HAAO: variants seen among roughly 807,000 people sequenced by gnomAD.
The protein encoded by HAAO is 3-hydroxyanthranilate 3,4-dioxygenase, also known as 3-hydroxyanthranilate oxygenase.
Under a neutral mutation model 46.2 loss-of-function variants are expected in HAAO, and 49 were observed. The ratio of observed to expected loss-of-function variants is 1.06; its 90% CI spans 0.84 to 1.34. The LOEUF (loss-of-function observed/expected upper bound fraction) is 1.34, where lower values mean the gene tolerates loss of function less well. HAAO is among the 40% of genes most tolerant of loss of function. The pLI is 0.00. For missense variants in HAAO, 408 were observed against 364.5 expected (o/e 1.12, Z -0.97); for synonymous variants, 157 against 145.2 (o/e 1.08, Z -0.58).
intron 4 of HAAO, among the ~76,000 whole-genome samples, chr2:42,780,794 G>A (rs1000602190): frequency 2.3e-4 from 35 of 151,578 alleles, no homozygotes; most frequent in African/African-American, 5.1e-4. Context: ...CCGGCCGGGC[G>A]TGGTGGCTCA....
chr2:42,783,384 G>A lies in HAAO; in HGVS notation c.280C>T (p.Gln94Ter), dbSNP rs902143587. Residue 94 changes from glutamine to a stop codon, truncating the protein, a stop_gained, in exon 4 of 10, where the codon CAG (glutamine) becomes TAG (stop). Coordinates refer to ENST00000294973, the MANE Select transcript of HAAO (RefSeq NM_012205.3). LOFTEE classifies it high-confidence loss of function. Reference protein sequence around the residue: ...LLPARVPHSPQRFANTVGLVV... With the variant: ...LLPARVPHSP ...AGCCCCACGGTGTTGGCAAACCTCTGTGGTGAGTGGGGCACCCTGGCAGGC... is the reference window on the plus strand; with the variant it reads ...AGCCCCACGGTGTTGGCAAACCTCTATGGTGAGTGGGGCACCCTGGCAGGC... 1.2e-6 allele frequency: 2 copies of A among 1,613,138 alleles called. No individual in the cohort carries two copies. The highest frequency in any genetic ancestry group is 1.7e-6 in the Non-Finnish European group (2 of 1,179,464).
chr2:42,771,309 T>A (rs551169607), intron 4 of HAAO, among the ~76,000 whole-genome samples: 28 of 152,034 alleles, frequency 1.8e-4, no homozygotes, highest in African/African-American at 5.8e-4. Context: ...GGGACTGTAA[T>A]CCCAGCTACT....
intron 1 of HAAO, among the ~76,000 whole-genome samples, chr2:42,789,561 T>C (rs1425192053): frequency 1.1e-5 from 1 of 92,690 alleles, no homozygotes; most frequent in African/African-American, 4.9e-5. Context: ...AGGGGGAGAC[T>C]CTGTCTTAAA....
intron 1 of HAAO, among the ~76,000 whole-genome samples, chr2:42,789,951 G>A (rs1672664647): frequency 6.6e-6 from 1 of 152,232 alleles, no homozygotes; most frequent in Non-Finnish European, 1.5e-5. Flanking sequence ...CAGAGGGCAG[G>A]GGCAAGGGCT....
At chr2:42,792,415 G>C (rs1199732044) in intron 1 of HAAO, 42 bp downstream of exon 1, 1 of 1,151,868 alleles carries the variant, frequency 8.7e-7, no homozygotes, top group East Asian at 2.7e-5. Context: ...AGGAGGGGGA[G>C]GAGGCGAGGG....
At chr2:42,791,062 T>C (rs1333716490) in intron 1 of HAAO, among the ~76,000 whole-genome samples, 1 of 152,142 alleles carries the variant, frequency 6.6e-6, no homozygotes, top group Admixed American at 6.5e-5. Context: ...GTTGAAGTCC[T>C]AACGCCCAGT....
intron 1 of HAAO, among the ~76,000 whole-genome samples, 167 bp from the exon 2 acceptor site, chr2:42,788,774 C>A (rs756565620): frequency 6.6e-6 from 1 of 152,178 alleles, no homozygotes; most frequent in African/African-American, 2.4e-5. Flanking sequence ...TTCATGCCTG[C>A]GTGCATCTAA....
At chr2:42,773,230 A>G (rs1409096164) in intron 4 of HAAO, among the ~76,000 whole-genome samples, 1 of 152,234 alleles carries the variant, frequency 6.6e-6, no homozygotes, top group African/African-American at 2.4e-5. Context: ...TAATGATAAC[A>G]GCACCTCCCC....
chr2:42,769,695 G>A lies in HAAO; in HGVS notation c.630+18C>T. Reference sequence around the variant, plus strand: ...GCTGCTGTGGGAGGATGCCCCGGATGCCCCAGGACTACATTACCTGGGTCT... The same window carrying A: ...GCTGCTGTGGGAGGATGCCCCGGATACCCCAGGACTACATTACCTGGGTCT... On this transcript the variant is annotated intron_variant, in intron 7 of 9. Coordinates refer to ENST00000294973, the MANE Select transcript of HAAO (RefSeq NM_012205.3). The A allele has an allele frequency of 6.3e-7, 1 of 1,579,846 alleles. No individual in the cohort carries two copies. The highest frequency in any genetic ancestry group is 1.8e-5 in the Admixed American group (1 of 54,068).
chr2:42,779,561 C>T (rs1277694573), intron 4 of HAAO, among the ~76,000 whole-genome samples: 1 of 152,084 alleles, frequency 6.6e-6, no homozygotes, highest in Non-Finnish European at 1.5e-5. Context: ...ACCTCGTGAT[C>T]CCCCCACCTC....
At chr2:42,787,741 C>G (rs1021162687) in intron 2 of HAAO, among the ~76,000 whole-genome samples, 29 of 152,170 alleles carry the variant, frequency 1.9e-4, no homozygotes, top group African/African-American at 6.3e-4. Flanking sequence ...CCTGAACCCC[C>G]AGAATGAGGC....
chr2:42,780,074 A>G (rs546079179), intron 4 of HAAO, among the ~76,000 whole-genome samples: 1 of 152,348 alleles, frequency 6.6e-6, no homozygotes, highest in East Asian at 1.9e-4. Context: ...CAGAGGTAAC[A>G]AATTTCCTTG....
chr2:42,778,040 T>G (rs931446477), intron 4 of HAAO, among the ~76,000 whole-genome samples: 2 of 148,678 alleles, frequency 1.3e-5, no homozygotes, highest in Admixed American at 1.3e-4. Context: ...TGACTGGTTG[T>G]TGAAGAAGGA....
chr2:42,767,876 A>C lies in HAAO; in HGVS notation c.683T>G (p.Val228Gly). Reference sequence around the variant, plus strand: ...CCCACTTGCCAGCTGCCACAGCCACACGTCCACATTCTGTCTCAGGCCTTC... The same window carrying C: ...CCCACTTGCCAGCTGCCACAGCCACCCGTCCACATTCTGTCTCAGGCCTTC... ...SSEGLRQNVD[V>G]WLWQLEGSSV... The change falls in exon 8 of 10, where the codon GTG becomes GGG. Residue 228 changes from valine (V) to glycine (G), a missense_variant. By Grantham distance (109) the Val-to-Gly change is moderately radical. Coordinates refer to ENST00000294973, the MANE Select transcript of HAAO (RefSeq NM_012205.3). The C allele has an allele frequency of 6.2e-7, 1 of 1,614,026 alleles. No homozygotes were observed. The highest frequency in any genetic ancestry group is 8.5e-7 in the Non-Finnish European group (1 of 1,179,898).
At chr2:42,786,005 G>T (rs1195099764) in intron 2 of HAAO, among the ~76,000 whole-genome samples, 1 of 146,372 alleles carries the variant, frequency 6.8e-6, no homozygotes, top group African/African-American at 2.5e-5. Flanking sequence ...CTGGGAGGAA[G>T]CCTCTGTGTG....
Position 42,788,743 on chromosome 2 carries a change from T to C in HAAO, c.81-136A>G, listed in dbSNP as rs115689043. The C allele has an allele frequency of 0.01, 7,042 of 685,402 alleles. 360 individuals are homozygous for C. The African/African-American group carries it at 0.11, about 11-fold the overall frequency. 42.5% of individuals were successfully genotyped at this position (685,402 alleles called of 1,614,324 possible). A position where few individuals can be genotyped will look rare whatever the true frequency, so the allele number is the denominator to read the frequency against. ...GGCTGTTTTGGCCTCACTGTCCCTGTTCCCCAACTCTCATCCCCGGTTCAT... is the reference window on the plus strand; with the variant it reads ...GGCTGTTTTGGCCTCACTGTCCCTGCTCCCCAACTCTCATCCCCGGTTCAT... On this transcript the variant is annotated intron_variant, in intron 1 of 9. Coordinates refer to ENST00000294973, the MANE Select transcript of HAAO (RefSeq NM_012205.3).
intron 1 of HAAO, 27 bp downstream of exon 1, chr2:42,792,430 G>C: frequency 1.4e-6 from 2 of 1,407,842 alleles, no homozygotes; most frequent in Non-Finnish European, 2.0e-6. Flanking sequence ...CGAGGGCAGG[G>C]GGCGGCCATG....
intron 4 of HAAO, among the ~76,000 whole-genome samples, chr2:42,779,555 C>T (rs577473552): frequency 3.9e-5 from 6 of 152,238 alleles, no homozygotes; most frequent in Non-Finnish European, 5.9e-5. Flanking sequence ...CTCTTGACCT[C>T]GTGATCCCCC....
chr2:42,788,761 C>T (rs1049202293), intron 1 of HAAO, among the ~76,000 whole-genome samples, 154 bp from the exon 2 acceptor site: 4 of 152,214 alleles, frequency 2.6e-5, no homozygotes, highest in Non-Finnish European at 4.4e-5. Context: ...CTCTCATCCC[C>T]GGTTCATGCC....
Sources: gnomAD v4.1 joint callset for allele counts (sites outside exome capture counted in the v4.1 genomes callset) on GRCh38, gnomAD v4.1.1 for gene constraint, MANE v1.5 for transcripts, NCBI Gene and HGNC (gene_info 2026-07-23, HGNC 2026-07-21) for gene names.